MDGA2: variants seen among roughly 807,000 people sequenced by gnomAD.
The protein encoded by MDGA2 is MAM domain-containing glycosylphosphatidylinositol anchor protein 2.
A neutral mutation model predicts 117.8 loss-of-function variants in MDGA2; 40 were observed. That is an observed-to-expected ratio of 0.34 (90% CI 0.26 to 0.44). The LOEUF (loss-of-function observed/expected upper bound fraction) is 0.44. Among genes scored for constraint, MDGA2 ranks in the 20% least tolerant of loss-of-function variants. MDGA2 has a pLI of 1.00. For synonymous variants in MDGA2, 452 were observed against 439.0 expected (o/e 1.03, Z -0.37); for missense variants, 1,123 against 1,250.6 (o/e 0.90, Z 1.54).
At chr14:47,192,282 A>T (rs1026224513) in intron 3 of MDGA2, among the ~76,000 whole-genome samples, 1 of 152,078 alleles carries the variant, frequency 6.6e-6, no homozygotes. Context: ...GAAATTTGGG[A>T]CAGACCAGAA....
Position 47,064,485 on chromosome 14 carries a change from C to T in MDGA2, c.1196-2907G>A, listed in dbSNP as rs536289161. ...GTGTGCGTGTACTCATATATAGTAA[C>T]AGAGGACAGAGAAATTTTGTTTTCT... On this transcript the variant is annotated intron_variant, in intron 6 of 16. Coordinates refer to ENST00000399232, the MANE Select transcript of MDGA2 (RefSeq NM_001113498.3). Among the ~76,000 whole-genome samples the T allele has an allele frequency of 2.0e-5, 3 of 152,148 alleles. No homozygotes were observed. The East Asian group carries it at 5.8e-4, about 29-fold the overall frequency.
chr14:47,621,336 C>T (rs1018483442), intron 1 of MDGA2, among the ~76,000 whole-genome samples: 3 of 151,994 alleles, frequency 2.0e-5, no homozygotes, highest in Non-Finnish European at 4.4e-5. Context: ...CCTCCCTCAT[C>T]TTTTTTTACT....
At chr14:46,871,812 GC>G in intron 14 of MDGA2, 1 of 282,998 alleles carries the variant, frequency 3.5e-6, no homozygotes, top group Non-Finnish European at 7.8e-6. Flanking sequence ...CCAAGTTCCT[GC>G]CCAGGTCTCC....
At chr14:47,205,328 G>T (rs988253629) in intron 3 of MDGA2, among the ~76,000 whole-genome samples, 5 of 151,782 alleles carry the variant, frequency 3.3e-5, no homozygotes, top group Admixed American at 6.6e-5. Flanking sequence ...TTGTGCTTAT[G>T]ATCTTATGTC....
At chr14:46,988,624 T>C (rs557749631) in intron 8 of MDGA2, among the ~76,000 whole-genome samples, 60 of 152,038 alleles carry the variant, frequency 3.9e-4, no homozygotes, top group Admixed American at 7.2e-4. Flanking sequence ...ATGAAGAGAA[T>C]AAATAAGTGC....
At chr14:47,442,352 G>C (rs1893030331) in intron 1 of MDGA2, among the ~76,000 whole-genome samples, 1 of 152,100 alleles carries the variant, frequency 6.6e-6, no homozygotes, top group Non-Finnish European at 1.5e-5. Flanking sequence ...ACATGAGAGA[G>C]TAAGGCAAAC....
intron 1 of MDGA2, among the ~76,000 whole-genome samples, chr14:47,612,209 C>CAGAT (rs3985115): frequency 0.37 from 54,443 of 145,576 alleles, 10,336 homozygotes; most frequent in Non-Finnish European, 0.42. Flanking sequence ...GATAGATAGA[C>CAGAT]AGATAGATAG....
At chr14:47,248,558 C>T (rs8012723) in intron 2 of MDGA2, among the ~76,000 whole-genome samples, 34,752 of 147,374 alleles carry the variant, frequency 0.24, 5,261 homozygotes, top group East Asian at 0.45. Context: ...TCTAATTGAA[C>T]TTATACGGTT....
chr14:47,053,646 T>C (rs1329734817), intron 7 of MDGA2, among the ~76,000 whole-genome samples: 308 of 39,728 alleles, frequency 7.8e-3, no homozygotes, highest in African/African-American at 9.1e-3. Context: ...TATATATATA[T>C]ATATATATAC....
intron 1 of MDGA2, among the ~76,000 whole-genome samples, chr14:47,558,056 T>G (rs1170971146): frequency 2.0e-5 from 3 of 152,184 alleles, no homozygotes; most frequent in Non-Finnish European, 4.4e-5. Flanking sequence ...AGTAGAATCC[T>G]GTGGAATAGT....
chr14:47,158,267 G>A (rs1020619979), intron 3 of MDGA2, among the ~76,000 whole-genome samples: 1 of 151,892 alleles, frequency 6.6e-6, no homozygotes, highest in African/African-American at 2.4e-5. Context: ...TGTGTAGTGG[G>A]CTATACCATC....
At chr14:47,136,112 A>T (rs1452635885) in intron 4 of MDGA2, among the ~76,000 whole-genome samples, 2 of 151,732 alleles carry the variant, frequency 1.3e-5, no homozygotes, top group Non-Finnish European at 2.9e-5. Flanking sequence ...CACCAACCCT[A>T]ATTCTCCATT....
At chr14:47,585,632 A>T (rs1594930374) in intron 1 of MDGA2, among the ~76,000 whole-genome samples, 1 of 151,780 alleles carries the variant, frequency 6.6e-6, no homozygotes, top group Non-Finnish European at 1.5e-5. Flanking sequence ...AGAGTGATTC[A>T]CCGGCTCCCA....
chr14:47,639,076 T>C (rs1402707044), intron 1 of MDGA2, among the ~76,000 whole-genome samples: 1 of 152,188 alleles, frequency 6.6e-6, no homozygotes, highest in East Asian at 1.9e-4. Context: ...AAGTCTTCCC[T>C]GGCTACTTTA....
intron 8 of MDGA2, among the ~76,000 whole-genome samples, chr14:47,024,056 T>C (rs1189942078): frequency 6.6e-6 from 1 of 152,184 alleles, no homozygotes; most frequent in Non-Finnish European, 1.5e-5. Flanking sequence ...TCAGTAAATA[T>C]GTCCTCTGCA....
At chr14:47,050,034 T>C (rs1460169800) in intron 7 of MDGA2, among the ~76,000 whole-genome samples, 4 of 152,016 alleles carry the variant, frequency 2.6e-5, no homozygotes, top group South Asian at 2.1e-4. Flanking sequence ...ACAATGTGAT[T>C]TGAGGTTTCT....
At chr14:47,351,195 C>T (rs1246434092) in intron 1 of MDGA2, among the ~76,000 whole-genome samples, 1 of 151,908 alleles carries the variant, frequency 6.6e-6, no homozygotes, top group Non-Finnish European at 1.5e-5. Context: ...GATTTTCCTG[C>T]CTCAGCCTCC....
chr14:47,440,002 G>A (rs1892973754), intron 1 of MDGA2, among the ~76,000 whole-genome samples: 2 of 151,812 alleles, frequency 1.3e-5, no homozygotes, highest in Non-Finnish European at 2.9e-5. Context: ...CCTGCACCTG[G>A]TGTGCACTGT....
At chr14:47,382,846 A>G (rs1247562575) in intron 1 of MDGA2, among the ~76,000 whole-genome samples, 1 of 152,222 alleles carries the variant, frequency 6.6e-6, no homozygotes, top group African/African-American at 2.4e-5. Context: ...CAGCTATCCT[A>G]TTACTGGGTA....
Sources: gnomAD v4.1 joint callset for allele counts (sites outside exome capture counted in the v4.1 genomes callset) on GRCh38, gnomAD v4.1.1 for gene constraint, MANE v1.5 for transcripts, NCBI Gene and HGNC (gene_info 2026-07-23, HGNC 2026-07-21) for gene names.